The following NRP2 variants were observed in gnomAD, a reference collection of about 807,000 sequenced individuals.
NRP2 encodes neuropilin 2.
Under a neutral mutation model 110.4 loss-of-function variants are expected in NRP2, and 52 were observed. The observed-to-expected ratio is 0.47, with a 90% CI of 0.38 to 0.59. NRP2 has a LOEUF of 0.59. Ranked by LOEUF, NRP2 falls within the 20% of genes least tolerant of loss-of-function variation. The pLI is 0.00. For missense variants in NRP2, 1,049 were observed against 1,203.0 expected (o/e 0.87, Z 1.89); for synonymous variants, 508 against 468.9 (o/e 1.08, Z -1.08).
chr2:205,776,260 C>G, intron 15 of NRP2: 5 of 1,612,922 alleles, frequency 3.1e-6, no homozygotes, highest in Non-Finnish European at 3.4e-6. Context: ...CACCCTCCTG[C>G]CAGGGACCGA....
intron 15 of NRP2, among the ~76,000 whole-genome samples, chr2:205,781,678 G>T (rs1197805750): frequency 1.3e-5 from 2 of 152,168 alleles, no homozygotes; most frequent in Non-Finnish European, 2.9e-5. Context: ...CTTTAATTGT[G>T]CAGATCACTG....
intron 15 of NRP2, chr2:205,767,132 G>A: frequency 2.3e-6 from 1 of 429,758 alleles, no homozygotes; most frequent in Non-Finnish European, 4.2e-6. Context: ...GAGAGACTGT[G>A]GGAAGACTGA....
intron 16 of NRP2, among the ~76,000 whole-genome samples, chr2:205,792,960 A>C (rs116422606): frequency 0.021 from 3,145 of 152,306 alleles, 51 homozygotes; most frequent in Middle Eastern, 0.031. Context: ...ACTCAACAGC[A>C]AGATTCCACT....
intron 1 of NRP2, among the ~76,000 whole-genome samples, chr2:205,687,252 G>A (rs1334349394): frequency 6.6e-6 from 1 of 152,208 alleles, no homozygotes; most frequent in Non-Finnish European, 1.5e-5. Context: ...GAGAAGCAAT[G>A]ACGGTCTAGG....
rs1336218529 is a variant in NRP2, at chr2:205,726,067, C to A, written c.975C>A (p.Asn325Lys). ...GCTGGACCCCCAACTTGGATTCCAACAAGGAGTATCTCCAGGTACTTGTGC... is the reference window on the plus strand; with the variant it reads ...GCTGGACCCCCAACTTGGATTCCAAAAAGGAGTATCTCCAGGTACTTGTGC... ...DNGWTPNLDS[N>K]KEYLQVDLRF... Residue 325 changes from asparagine (N) to lysine (K), a missense_variant, in exon 6 of 17, where the codon AAC becomes AAA. Transcript: ENST00000357785. The A allele has an allele frequency of 6.2e-7, 1 of 1,614,202 alleles. No homozygotes were observed.
intron 15 of NRP2, among the ~76,000 whole-genome samples, chr2:205,783,581 C>T (rs755561069): frequency 6.6e-6 from 1 of 152,210 alleles, no homozygotes; most frequent in Non-Finnish European, 1.5e-5. Flanking sequence ...AGGGGCAGAC[C>T]TTGTGGGCTT....
intron 15 of NRP2, 57 bp downstream of exon 15, chr2:205,766,860 A>C (rs2057929951): frequency 6.6e-7 from 1 of 1,521,718 alleles, no homozygotes; most frequent in East Asian, 2.2e-5. Context: ...TCCTTCCCCC[A>C]TGTGATGTGA....
chr2:205,719,364 G>A (rs2056966137), intron 3 of NRP2, among the ~76,000 whole-genome samples: 1 of 151,700 alleles, frequency 6.6e-6, no homozygotes, highest in Non-Finnish European at 1.5e-5. Context: ...GTGAAGTGGT[G>A]TATAAAAGAT....
intron 8 of NRP2, among the ~76,000 whole-genome samples, chr2:205,741,303 A>G (rs2105868316): frequency 6.6e-6 from 1 of 152,372 alleles, no homozygotes. Flanking sequence ...TAGGAGCTCA[A>G]GGAAGACTTC....
chr2:205,753,852 GT>G (rs1020589039), intron 12 of NRP2, among the ~76,000 whole-genome samples: 7 of 151,740 alleles, frequency 4.6e-5, no homozygotes, highest in Middle Eastern at 3.4e-3. Flanking sequence ...GCATTATATA[GT>G]TTTTTTTTCC....
At chr2:205,767,050 C>A (rs1032852066) in intron 15 of NRP2, 17 of 568,896 alleles carry the variant, frequency 3.0e-5, no homozygotes, top group Admixed American at 9.3e-5. Context: ...AAATAGGTTA[C>A]AGATAAACCT....
chr2:205,739,665 A>G (rs73064202), intron 7 of NRP2, among the ~76,000 whole-genome samples: 2,323 of 148,694 alleles, frequency 0.016, 71 homozygotes, highest in African/African-American at 0.055. Flanking sequence ...AAACTCACAT[A>G]TACTTTGCTC....
At chr2:205,730,314 A>G (rs753530689) in intron 7 of NRP2, among the ~76,000 whole-genome samples, 4 of 151,802 alleles carry the variant, frequency 2.6e-5, no homozygotes, top group African/African-American at 4.8e-5. Flanking sequence ...AACCGTGCCA[A>G]ATAGATTTGT....
intron 3 of NRP2, 169 bp from the exon 4 acceptor site, chr2:205,722,309 G>A (rs1044532503): frequency 1.5e-5 from 10 of 663,726 alleles, no homozygotes; most frequent in East Asian, 5.5e-5. Context: ...TAATTTATGA[G>A]GGCTTGAAAC....
intron 16 of NRP2, among the ~76,000 whole-genome samples, chr2:205,794,077 CAG>C (rs1239473411): frequency 1.2e-4 from 19 of 152,170 alleles, no homozygotes; most frequent in Non-Finnish European, 2.5e-4. Context: ...CTGTTAAAAT[CAG>C]AGCTTACCTA....
At chr2:205,752,764 T>A (rs1261950254) in intron 11 of NRP2, 71 bp from the exon 12 acceptor site, 1 of 1,546,854 alleles carries the variant, frequency 6.5e-7, no homozygotes, top group Non-Finnish European at 8.9e-7. Flanking sequence ...GCCATTTAAA[T>A]AGTACCACTG....
intron 15 of NRP2, among the ~76,000 whole-genome samples, chr2:205,772,997 A>C (rs1034170247): frequency 6.6e-6 from 1 of 152,222 alleles, no homozygotes; most frequent in African/African-American, 2.4e-5. Context: ...CCCCTATGCC[A>C]TCCGTCCATT....
intron 15 of NRP2, chr2:205,777,054 C>T (rs1426786624): frequency 7.0e-6 from 7 of 1,000,570 alleles, no homozygotes; most frequent in Non-Finnish European, 8.4e-6. Flanking sequence ...GCCCCTTTAA[C>T]TCTTATGTTA....
In NRP2 at chr2:205,703,317, CA is replaced by C. The variant is rs545118874; in HGVS notation, c.251+5597del. Among the ~76,000 whole-genome samples the C allele has an allele frequency of 8.5e-5, 13 of 152,334 alleles. No homozygotes were observed. The South Asian group carries it at 2.7e-3, about 32-fold the overall frequency. ...GGTAATAGACCATTCATTCATTCAT[CA>C]GGAAATAGCTATTAAACACCTACTA... On this transcript the variant is annotated intron_variant, in intron 2 of 16. Coordinates refer to ENST00000357785, the MANE Select transcript of NRP2 (RefSeq NM_003872.3).
Sources: gnomAD v4.1 joint callset for allele counts (sites outside exome capture counted in the v4.1 genomes callset) on GRCh38, gnomAD v4.1.1 for gene constraint, MANE v1.5 for transcripts, NCBI Gene and HGNC (gene_info 2026-07-23, HGNC 2026-07-21) for gene names.